The following POU2AF2 variants were observed in gnomAD, a reference collection of about 807,000 sequenced individuals.
The protein encoded by POU2AF2 is POU domain class 2-associating factor 2.
the POU2AF2 span, among the ~76,000 whole-genome samples, chr11:111,263,820 G>A: frequency 6.6e-6 from 1 of 152,140 alleles, no homozygotes; most frequent in Non-Finnish European, 1.5e-5. Flanking sequence ...TCCCAGCTCT[G>A]CCATTTGCCA....
the POU2AF2 span, among the ~76,000 whole-genome samples, chr11:111,280,324 A>G: frequency 3.9e-5 from 6 of 152,072 alleles, no homozygotes; most frequent in African/African-American, 1.2e-4. Context: ...GCTGAAGCCA[A>G]ACACTAAGTG....
At chr11:111,249,257 A>T in the POU2AF2 span, among the ~76,000 whole-genome samples, 1 of 152,194 alleles carries the variant, frequency 6.6e-6, no homozygotes, top group African/African-American at 2.4e-5. Context: ...AGGGGAAAAA[A>T]ATGTTTTGGA....
chr11:111,258,075 G>A, the POU2AF2 span, among the ~76,000 whole-genome samples: 1 of 152,074 alleles, frequency 6.6e-6, no homozygotes, highest in Non-Finnish European at 1.5e-5. Context: ...CTGAGTTCGT[G>A]ACACTGCGCT....
chr11:111,285,756 A>G, the POU2AF2 span: 2 of 1,613,394 alleles, frequency 1.2e-6, no homozygotes, highest in South Asian at 1.1e-5. Flanking sequence ...TGCCTCTCCC[A>G]GCTTGAGTCC....
chr11:111,247,402 C>T, the POU2AF2 span, among the ~76,000 whole-genome samples: 1 of 152,190 alleles, frequency 6.6e-6, no homozygotes, highest in Non-Finnish European at 1.5e-5. Flanking sequence ...TGGATACCTA[C>T]AGTGTGGGCA....
At chr11:111,268,532 A>G in the POU2AF2 span, among the ~76,000 whole-genome samples, 1 of 107,328 alleles carries the variant, frequency 9.3e-6, no homozygotes, top group Non-Finnish European at 2.0e-5. Context: ...ATTTTATTTT[A>G]TTTTATTTTA....
the POU2AF2 span, among the ~76,000 whole-genome samples, chr11:111,248,560 A>C: frequency 6.6e-6 from 1 of 152,204 alleles, no homozygotes; most frequent in Non-Finnish European, 1.5e-5. Flanking sequence ...TAATTCGGAG[A>C]GACATTCTCT....
the POU2AF2 span, among the ~76,000 whole-genome samples, chr11:111,248,573 C>T: frequency 2.0e-5 from 3 of 152,180 alleles, no homozygotes; most frequent in African/African-American, 4.8e-5. Context: ...CATTCTCTAC[C>T]ATCTTAATTG....
At chr11:111,274,257 G>A in the POU2AF2 span, among the ~76,000 whole-genome samples, 1 of 152,124 alleles carries the variant, frequency 6.6e-6, no homozygotes, top group Non-Finnish European at 1.5e-5. Context: ...TCTAGGGTCT[G>A]TGATACCAAC....
At chr11:111,262,340 G>A in the POU2AF2 span, among the ~76,000 whole-genome samples, 1 of 152,236 alleles carries the variant, frequency 6.6e-6, no homozygotes, top group Non-Finnish European at 1.5e-5. Context: ...CTGTAGAACA[G>A]ATGTGCATTG....
At chr11:111,280,025 A>T in the POU2AF2 span, among the ~76,000 whole-genome samples, 1 of 135,430 alleles carries the variant, frequency 7.4e-6, no homozygotes, top group Non-Finnish European at 1.6e-5. Context: ...TGGGTGAGAG[A>T]GTGAGACTCC....
At chr11:111,258,293 T>C in the POU2AF2 span, among the ~76,000 whole-genome samples, 30 of 152,258 alleles carry the variant, frequency 2.0e-4, no homozygotes, top group Non-Finnish European at 2.4e-4. Flanking sequence ...AAATTATGAA[T>C]GTTGATGAAA....
chr11:111,283,594 G>C, the POU2AF2 span, among the ~76,000 whole-genome samples: 1 of 152,186 alleles, frequency 6.6e-6, no homozygotes, highest in Non-Finnish European at 1.5e-5. Flanking sequence ...TTAGAAGGCA[G>C]AGTACAGCCT....
At chr11:111,250,248 T>C in the POU2AF2 span, among the ~76,000 whole-genome samples, 1 of 152,114 alleles carries the variant, frequency 6.6e-6, no homozygotes, top group Non-Finnish European at 1.5e-5. Flanking sequence ...TCATTTCCAG[T>C]ATTTCTGGCT....
the POU2AF2 span, among the ~76,000 whole-genome samples, chr11:111,274,714 T>A: frequency 6.6e-6 from 1 of 151,408 alleles, no homozygotes; most frequent in African/African-American, 2.4e-5. Flanking sequence ...TCTCTCTGGA[T>A]GTCCCTAAGT....
At chr11:111,256,172 T>C in the POU2AF2 span, 3 of 398,406 alleles carry the variant, frequency 7.5e-6, no homozygotes, top group Non-Finnish European at 1.3e-5. Context: ...ATCACCTACT[T>C]CCTGGGTCTG....
At chr11:111,268,063 G>C in the POU2AF2 span, among the ~76,000 whole-genome samples, 1 of 152,170 alleles carries the variant, frequency 6.6e-6, no homozygotes, top group African/African-American at 2.4e-5. Flanking sequence ...TCGAATACAG[G>C]TAAGAGCAAA....
the POU2AF2 span, chr11:111,283,958 G>C: frequency 1.2e-6 from 1 of 842,288 alleles, no homozygotes; most frequent in Non-Finnish European, 1.9e-6. Context: ...TTCCATGTTA[G>C]CGTTGGAGTC....
At chr11:111,266,603 C>T in the POU2AF2 span, among the ~76,000 whole-genome samples, 1 of 152,112 alleles carries the variant, frequency 6.6e-6, no homozygotes, top group Non-Finnish European at 1.5e-5. Context: ...AGACCTGAGT[C>T]CCCTTCCCAC....
Sources: gnomAD v4.1 joint callset for allele counts (sites outside exome capture counted in the v4.1 genomes callset) on GRCh38, gnomAD v4.1.1 for gene constraint, MANE v1.5 for transcripts, NCBI Gene and HGNC (gene_info 2026-07-23, HGNC 2026-07-21) for gene names.